SLC14A2: variants seen among roughly 807,000 people sequenced by gnomAD.
SLC14A2 encodes the protein urea transporter 2.
Under a neutral mutation model 104.6 loss-of-function variants are expected in SLC14A2, and 91 were observed. The ratio of observed to expected loss-of-function variants is 0.87; its 90% CI spans 0.73 to 1.04. The LOEUF is 1.04. Ranked by LOEUF, SLC14A2 falls within the 50% of genes least tolerant of loss-of-function variation. The pLI is 0.00. For missense variants in SLC14A2, 1,189 were observed against 1,156.0 expected, an observed-to-expected ratio of 1.03 and a Z score of -0.41; for synonymous variants, 476 against 466.4, an observed-to-expected ratio of 1.02 and a Z score of -0.27.
At chr18:45,543,158 AG>A (rs1372826308) in intron 2 of SLC14A2, among the ~76,000 whole-genome samples, 2 of 151,942 alleles carry the variant, frequency 1.3e-5, no homozygotes, top group Non-Finnish European at 2.9e-5. Context: ...CATGTTGGCC[AG>A]GCTGGTTTCA....
intron 1 of SLC14A2, among the ~76,000 whole-genome samples, chr18:45,464,458 A>G (rs1162808857): frequency 1.3e-5 from 2 of 152,208 alleles, no homozygotes; most frequent in South Asian, 2.1e-4. Flanking sequence ...TCAACGTTCA[A>G]TGAAGTCTTG....
intron 2 of SLC14A2, among the ~76,000 whole-genome samples, chr18:45,518,645 G>T (rs1416490492): frequency 7.7e-6 from 1 of 129,418 alleles, no homozygotes; most frequent in African/African-American, 2.7e-5. Context: ...CAAACTGCTG[G>T]TGTCTGGACT....
At chr18:45,235,968 CAT>C (rs1348233159) in intron 1 of SLC14A2, among the ~76,000 whole-genome samples, 2 of 41,026 alleles carry the variant, frequency 4.9e-5, no homozygotes, top group East Asian at 9.7e-4. Context: ...TGTATATATA[CAT>C]ATATGTGTGT....
intron 1 of SLC14A2, among the ~76,000 whole-genome samples, chr18:45,336,742 G>A (rs1422276765): frequency 6.6e-6 from 1 of 152,110 alleles, no homozygotes; most frequent in African/African-American, 2.4e-5. Context: ...TGCCTATGAT[G>A]GCTCCTAGTT....
chr18:45,445,005 G>A (rs2144592936), intron 1 of SLC14A2, among the ~76,000 whole-genome samples: 1 of 151,742 alleles, frequency 6.6e-6, no homozygotes, highest in African/African-American at 2.4e-5. Flanking sequence ...ATTAATGAGT[G>A]AATGGAACTA....
intron 1 of SLC14A2, among the ~76,000 whole-genome samples, chr18:45,217,160 G>C (rs182557380): frequency 6.6e-6 from 1 of 150,876 alleles, no homozygotes; most frequent in East Asian, 1.9e-4. Flanking sequence ...CAAAGCAACA[G>C]ATTTCTCTAA....
intron 2 of SLC14A2, among the ~76,000 whole-genome samples, chr18:45,543,762 G>T (rs1598985553): frequency 6.6e-6 from 1 of 152,340 alleles, no homozygotes; most frequent in South Asian, 2.1e-4. Flanking sequence ...AAAGCCTGTT[G>T]CAGTGTTGGC....
intron 2 of SLC14A2, among the ~76,000 whole-genome samples, chr18:45,603,590 C>T (rs1412140207): frequency 6.6e-6 from 1 of 152,166 alleles, no homozygotes; most frequent in Non-Finnish European, 1.5e-5. Flanking sequence ...ACCATTATAA[C>T]TAGCCTTTTC....
intron 1 of SLC14A2, among the ~76,000 whole-genome samples, chr18:45,325,454 C>T (rs2085225462): frequency 6.6e-6 from 1 of 152,206 alleles, no homozygotes. Context: ...GGTGAATCCT[C>T]TCCCTAGGAG....
At chr18:45,267,303 CTT>C (rs1363853511) in intron 1 of SLC14A2, among the ~76,000 whole-genome samples, 1 of 152,108 alleles carries the variant, frequency 6.6e-6, no homozygotes, top group Admixed American at 6.5e-5. Flanking sequence ...GTTCAGACCT[CTT>C]AGTCTCCATG....
At chr18:45,171,264 T>G in the SLC14A2 span, among the ~76,000 whole-genome samples, 7 of 152,082 alleles carry the variant, frequency 4.6e-5, no homozygotes, top group African/African-American at 7.2e-5. Flanking sequence ...ACAACTCTAG[T>G]CAGGGGAGAT....
At chr18:45,396,522 A>AT (rs1275541673) in intron 1 of SLC14A2, among the ~76,000 whole-genome samples, 1 of 151,176 alleles carries the variant, frequency 6.6e-6, no homozygotes, top group Non-Finnish European at 1.5e-5. Flanking sequence ...ACTTTCTATG[A>AT]TTTTTTATTT....
intron 1 of SLC14A2, among the ~76,000 whole-genome samples, chr18:45,396,946 C>T (rs1297265112): frequency 6.6e-6 from 1 of 152,106 alleles, no homozygotes; most frequent in Non-Finnish European, 1.5e-5. Flanking sequence ...CCTTAGTTTG[C>T]TAAATGTATT....
chr18:45,294,722 C>A lies in SLC14A2; in HGVS notation c.-125+81531C>A, dbSNP rs190734432. On this transcript the variant is annotated intron_variant, in intron 1 of 20. Coordinates refer to the SLC14A2 transcript ENST00000586448. The stretch of plus-strand genomic sequence containing the variant: ...TACAACCTCTTCAGAAAGAAACACA[C>A]CGCACAGTGGCATCTTACAAACCTG... Among the ~76,000 whole-genome samples, 229 of 152,326 alleles carry A rather than the reference C, an allele frequency of 1.5e-3. 2 individuals are homozygous for A. The highest frequency in any genetic ancestry group is 0.014 in the East Asian group (75 of 5,182).
intron 1 of SLC14A2, among the ~76,000 whole-genome samples, chr18:45,376,231 C>T (rs1383140968): frequency 6.6e-6 from 1 of 152,178 alleles, no homozygotes; most frequent in African/African-American, 2.4e-5. Flanking sequence ...TTACTTTGCA[C>T]AATTTGTATT....
intron 1 of SLC14A2, among the ~76,000 whole-genome samples, chr18:45,397,156 T>C (rs1036508561): frequency 6.6e-6 from 1 of 152,200 alleles, no homozygotes; most frequent in African/African-American, 2.4e-5. Flanking sequence ...GGCAGAATGA[T>C]TTATATTCCT....
chr18:45,236,086 T>C (rs1257257353), intron 1 of SLC14A2, among the ~76,000 whole-genome samples: 1 of 53,822 alleles, frequency 1.9e-5, no homozygotes, highest in Non-Finnish European at 3.2e-5. Context: ...TGTGTATATA[T>C]ACATATATGT....
At chr18:45,459,931 C>T (rs900773854) in intron 1 of SLC14A2, among the ~76,000 whole-genome samples, 2 of 152,344 alleles carry the variant, frequency 1.3e-5, no homozygotes, top group Middle Eastern at 3.4e-3. Flanking sequence ...CCCTTTGCCA[C>T]ATCTCCTTCC....
chr18:45,485,770 T>C (rs2087591817), intron 2 of SLC14A2, among the ~76,000 whole-genome samples: 1 of 152,162 alleles, frequency 6.6e-6, no homozygotes, highest in South Asian at 2.1e-4. Flanking sequence ...CAAAAAGAAC[T>C]GTTACAGTGG....
Sources: allele counts gnomAD v4.1 joint callset (sites outside exome capture counted in the v4.1 genomes callset), GRCh38; gene constraint gnomAD v4.1.1; transcripts MANE v1.5; gene names NCBI Gene and HGNC (gene_info 2026-07-23, HGNC 2026-07-21).